GPC4: variants seen among roughly 807,000 people sequenced by gnomAD.
GPC4 encodes the protein glypican-4.
In GPC4, 10 loss-of-function variants were observed where a neutral mutation model predicts 35.0. That is an observed-to-expected ratio of 0.29 (90% CI 0.18 to 0.48). GPC4 has a LOEUF of 0.48. Ranked by LOEUF, GPC4 falls within the 20% of genes least tolerant of loss-of-function variation. The pLI is 0.99. For missense variants in GPC4, 322 were observed against 451.3 expected, an observed-to-expected ratio of 0.71 and a Z score of 2.60; for synonymous variants, 167 against 170.2, an observed-to-expected ratio of 0.98 and a Z score of 0.15.
At chrX:133,354,181 G>T (rs1348138130) in intron 1 of GPC4, among the ~76,000 whole-genome samples, 1 of 111,203 alleles carries the variant, frequency 9.0e-6, no homozygotes, top group Non-Finnish European at 1.9e-5. Context: ...ATGCAGTTCG[G>T]GATATACTTT....
intron 3 of GPC4, among the ~76,000 whole-genome samples, chrX:133,313,689 A>G (rs1044485532): frequency 5.4e-5 from 6 of 111,913 alleles, no homozygotes; most frequent in African/African-American, 2.0e-4. Flanking sequence ...CACATTTGAT[A>G]GATAAGAAAA....
chrX:133,372,469 A>G (rs1188161261), intron 1 of GPC4, among the ~76,000 whole-genome samples: 1 of 110,561 alleles, frequency 9.0e-6, no homozygotes, highest in African/African-American at 3.3e-5. Flanking sequence ...CTACTCACCC[A>G]CCACCATCTT....
chrX:133,325,923 C>T (rs1347831536), intron 2 of GPC4, among the ~76,000 whole-genome samples: 1 of 111,452 alleles, frequency 9.0e-6, no homozygotes, highest in African/African-American at 3.3e-5. Context: ...CTATGTCTCT[C>T]AGCCCCTAAC....
At chrX:133,317,401 ACT>A (rs1274032832) in intron 3 of GPC4, among the ~76,000 whole-genome samples, 1 of 110,347 alleles carries the variant, frequency 9.1e-6, no homozygotes, top group Non-Finnish European at 1.9e-5. Flanking sequence ...TTCTGCAAAG[ACT>A]CTTTTCATAT....
chrX:133,360,261 T>C (rs185693945), intron 1 of GPC4, among the ~76,000 whole-genome samples: 42 of 111,860 alleles, frequency 3.8e-4, no homozygotes, highest in African/African-American at 1.3e-3. Context: ...TAAGGAAAAT[T>C]CAGATGTTAG....
intron 1 of GPC4, among the ~76,000 whole-genome samples, chrX:133,360,783 A>T (rs998710716): frequency 2.7e-5 from 3 of 111,849 alleles, no homozygotes; most frequent in African/African-American, 9.8e-5. Context: ...CAACTGCAGC[A>T]GAACAGTCTG....
intron 1 of GPC4, among the ~76,000 whole-genome samples, chrX:133,389,776 C>T (rs948072384): frequency 1.8e-5 from 2 of 111,438 alleles, no homozygotes; most frequent in Admixed American, 9.5e-5. Flanking sequence ...GCCAGCACCA[C>T]GGACCGTGGG....
At chrX:133,306,541 G>A (rs982453926) in intron 4 of GPC4, among the ~76,000 whole-genome samples, 7 of 111,313 alleles carry the variant, frequency 6.3e-5, no homozygotes, top group African/African-American at 9.8e-5. Context: ...GACTTCCCTA[G>A]GATCTTCTCG....
chrX:133,301,350 A>AAGT lies in GPC4; in HGVS notation c.*1516_*1517insACT, dbSNP rs2124100303. 8.9e-6 allele frequency: 1 copy of AAGT among 112,944 alleles called. No homozygotes were observed. Among genetic ancestry groups the AAGT allele is most frequent in the South Asian group, 3.6e-4 (1 of 2,749 alleles). The allele number at this position is 112,944 out of a possible 1,213,427, so 9.3% of individuals were successfully genotyped here. A position where few individuals can be genotyped will look rare whatever the true frequency, so the allele number is the denominator to read the frequency against. ...AGAGACAGAATTTTAGTCTTTCTGA[A>AAGT]GACTTCTGGGAACTCCTTTGAAAGT... On this transcript the variant is annotated 3_prime_UTR_variant, in exon 9 of 9. Transcript: ENST00000370828.
intron 1 of GPC4, among the ~76,000 whole-genome samples, chrX:133,393,220 T>C (rs1333312452): frequency 1.8e-5 from 2 of 111,519 alleles, no homozygotes; most frequent in East Asian, 5.6e-4. Flanking sequence ...AGGAAGGGTT[T>C]TGTTTGGGGT....
intron 6 of GPC4, 108 bp downstream of exon 6, chrX:133,305,664 G>C: frequency 2.0e-6 from 2 of 991,957 alleles, no homozygotes; most frequent in Admixed American, 5.3e-5. Flanking sequence ...CTTGAAAAGT[G>C]ACACCTGAAA....
At chrX:133,400,147 A>G (rs1490810961) in intron 1 of GPC4, among the ~76,000 whole-genome samples, 1 of 111,954 alleles carries the variant, frequency 8.9e-6, no homozygotes, top group Non-Finnish European at 1.9e-5. Context: ...TTTGTTCACA[A>G]TATGCAACCA....
intron 1 of GPC4, among the ~76,000 whole-genome samples, chrX:133,339,918 G>A (rs1186681666): frequency 1.8e-5 from 2 of 112,179 alleles, no homozygotes; most frequent in East Asian, 5.6e-4. Flanking sequence ...AATCACAAAG[G>A]GGTGATGGTA....
At chrX:133,347,647 C>T (rs1381492472) in intron 1 of GPC4, among the ~76,000 whole-genome samples, 1 of 111,091 alleles carries the variant, frequency 9.0e-6, no homozygotes, top group Non-Finnish European at 1.9e-5. Context: ...ATACAATGCT[C>T]TGCTTCATGG....
At chrX:133,356,091 T>G (rs1371525383) in intron 1 of GPC4, among the ~76,000 whole-genome samples, 1 of 111,518 alleles carries the variant, frequency 9.0e-6, no homozygotes, top group African/African-American at 3.3e-5. Flanking sequence ...CCAAGAATTT[T>G]AGGTTATTCT....
chrX:133,332,742 C>T (rs1290977237), intron 2 of GPC4, among the ~76,000 whole-genome samples: 1 of 112,033 alleles, frequency 8.9e-6, no homozygotes, highest in African/African-American at 3.2e-5. Flanking sequence ...ACCACATGGA[C>T]GGAGAATAGT....
intron 2 of GPC4, among the ~76,000 whole-genome samples, chrX:133,335,361 C>T (rs1040479731): frequency 1.8e-5 from 2 of 111,176 alleles, no homozygotes; most frequent in Non-Finnish European, 3.8e-5. Context: ...AGTCTTTAAA[C>T]TCAGTGATAT....
chrX:133,362,413 CAAGTT>C (rs1204626447), intron 1 of GPC4, among the ~76,000 whole-genome samples: 2 of 111,436 alleles, frequency 1.8e-5, no homozygotes, highest in African/African-American at 3.3e-5. Context: ...TTTGAAAGAA[CAAGTT>C]AAGAATGGTT....
intron 1 of GPC4, among the ~76,000 whole-genome samples, chrX:133,359,652 T>G (rs2068557939): frequency 9.0e-6 from 1 of 111,283 alleles, no homozygotes; most frequent in African/African-American, 3.3e-5. Flanking sequence ...ATTCTTTGTC[T>G]TGTAAGGAGA....
Sources: allele counts gnomAD v4.1 joint callset (sites outside exome capture counted in the v4.1 genomes callset), GRCh38; gene constraint gnomAD v4.1.1; transcripts MANE v1.5; gene names NCBI Gene and HGNC (gene_info 2026-07-23, HGNC 2026-07-21).